The following COL8A1 variants were observed in gnomAD, a reference collection of about 807,000 sequenced individuals.
COL8A1 encodes the protein collagen alpha-1(VIII) chain.
A neutral mutation model predicts 42.7 loss-of-function variants in COL8A1; 21 were observed. The observed-to-expected ratio is 0.49, with a 90% CI of 0.35 to 0.71. The LOEUF (loss-of-function observed/expected upper bound fraction) is 0.71, where lower values mean the gene tolerates loss of function less well. Ranked by LOEUF, COL8A1 falls within the 30% of genes least tolerant of loss-of-function variation. The pLI is 0.01. For missense variants in COL8A1, 788 were observed against 962.4 expected (o/e 0.82, Z 2.40); for synonymous variants, 367 against 369.1 (o/e 0.99, Z 0.06).
chr3:99,676,026 G>A (rs1205299849), intron 1 of COL8A1, among the ~76,000 whole-genome samples: 1 of 151,998 alleles, frequency 6.6e-6, no homozygotes, highest in African/African-American at 2.4e-5. Context: ...TAATAGCATT[G>A]TAAACTATCA....
chr3:99,681,908 T>A (rs1421996711), intron 1 of COL8A1, among the ~76,000 whole-genome samples: 2 of 152,184 alleles, frequency 1.3e-5, no homozygotes, highest in Non-Finnish European at 2.9e-5. Context: ...AGAGTCACCA[T>A]ATGGCTAGCA....
chr3:99,696,620 C>G (rs541080078), intron 1 of COL8A1, among the ~76,000 whole-genome samples: 1 of 152,158 alleles, frequency 6.6e-6, no homozygotes, highest in South Asian at 2.1e-4. Context: ...TTGCATATGG[C>G]CAGCCACTGG....
chr3:99,750,101 G>A (rs1455792273), intron 2 of COL8A1, among the ~76,000 whole-genome samples: 10 of 118,366 alleles, frequency 8.4e-5, no homozygotes, highest in Non-Finnish European at 1.6e-4. Context: ...CTGTTGCCAC[G>A]GCTGGAGTGC....
intron 1 of COL8A1, among the ~76,000 whole-genome samples, chr3:99,653,529 C>A (rs774708835): frequency 6.6e-6 from 1 of 151,926 alleles, no homozygotes; most frequent in South Asian, 2.1e-4. Flanking sequence ...GGGCATCTCT[C>A]TCCCTTCACC....
intron 1 of COL8A1, chr3:99,679,765 A>G (rs1938811333): frequency 6.6e-6 from 1 of 152,188 alleles, no homozygotes; most frequent in Non-Finnish European, 1.5e-5. Flanking sequence ...AAAAGGTTCA[A>G]TCTGTTTCTG....
intron 2 of COL8A1, among the ~76,000 whole-genome samples, chr3:99,762,908 G>A (rs189388976): frequency 6.6e-6 from 1 of 152,224 alleles, no homozygotes; most frequent in East Asian, 1.9e-4. Context: ...GCCCAACCTG[G>A]GTAGTACTTG....
At chr3:99,678,494 G>T (rs1335080356) in intron 1 of COL8A1, 2 of 152,108 alleles carry the variant, frequency 1.3e-5, no homozygotes, top group Non-Finnish European at 2.9e-5. Flanking sequence ...CTCAGCCGAA[G>T]AGAAGCTTTG....
chr3:99,654,733 A>G (rs1256165743), intron 1 of COL8A1, among the ~76,000 whole-genome samples: 1 of 151,950 alleles, frequency 6.6e-6, no homozygotes, highest in African/African-American at 2.4e-5. Flanking sequence ...GGCTGCAGTG[A>G]GCTGTAATTG....
At chr3:99,672,231 A>G (rs1938568270) in intron 1 of COL8A1, among the ~76,000 whole-genome samples, 1 of 152,020 alleles carries the variant, frequency 6.6e-6, no homozygotes, top group Non-Finnish European at 1.5e-5. Flanking sequence ...GAGGTAGAAC[A>G]CCTATTCTCT....
At chr3:99,679,676 A>G (rs558195455) in intron 1 of COL8A1, 23 of 152,360 alleles carry the variant, frequency 1.5e-4, no homozygotes, top group African/African-American at 5.3e-4. Flanking sequence ...TCTGTCAAAC[A>G]AGAGAGATGA....
intron 1 of COL8A1, chr3:99,691,777 G>A (rs1034172563): frequency 3.3e-5 from 5 of 150,566 alleles, no homozygotes; most frequent in African/African-American, 1.2e-4. Context: ...GGCCCAGAGA[G>A]GTAAAGTTGA....
At chr3:99,734,227 G>A (rs1940624231) in intron 1 of COL8A1, among the ~76,000 whole-genome samples, 1 of 141,534 alleles carries the variant, frequency 7.1e-6, no homozygotes, top group South Asian at 2.3e-4. Flanking sequence ...CCTTGCCCAT[G>A]CCTATGTCCT....
At chr3:99,670,762 C>T (rs1337915115) in intron 1 of COL8A1, among the ~76,000 whole-genome samples, 2 of 152,004 alleles carry the variant, frequency 1.3e-5, no homozygotes, top group African/African-American at 4.8e-5. Context: ...TCATTTCCTC[C>T]CTCCCCATAC....
chr3:99,750,179 C>T (rs1250591697), intron 2 of COL8A1, among the ~76,000 whole-genome samples: 2 of 149,838 alleles, frequency 1.3e-5, no homozygotes, highest in Admixed American at 1.3e-4. Flanking sequence ...GGCTCAGCCT[C>T]CTGAGTAGCT....
intron 1 of COL8A1, among the ~76,000 whole-genome samples, chr3:99,706,915 T>C (rs1450388250): frequency 6.6e-6 from 1 of 152,146 alleles, no homozygotes; most frequent in East Asian, 1.9e-4. Flanking sequence ...ACCAATCTAG[T>C]TTGATGAACA....
At chr3:99,662,387 A>C (rs1938234904) in intron 1 of COL8A1, among the ~76,000 whole-genome samples, 1 of 151,926 alleles carries the variant, frequency 6.6e-6, no homozygotes, top group Non-Finnish European at 1.5e-5. Flanking sequence ...GTCTCAAAAA[A>C]AAAAAAAAAA....
chr3:99,725,296 C>A (rs1940274603), intron 1 of COL8A1, among the ~76,000 whole-genome samples: 1 of 152,044 alleles, frequency 6.6e-6, no homozygotes, highest in African/African-American at 2.4e-5. Flanking sequence ...CTTCTCTTAG[C>A]TTCTTTTAAA....
chr3:99,764,444 T>C (rs1419213623), intron 2 of COL8A1, among the ~76,000 whole-genome samples: 3 of 152,212 alleles, frequency 2.0e-5, no homozygotes, highest in Non-Finnish European at 4.4e-5. Flanking sequence ...CCTGTACATA[T>C]ATGTGTGTGC....
chr3:99,760,706 G>T (rs1283250726), intron 2 of COL8A1, among the ~76,000 whole-genome samples: 2 of 152,072 alleles, frequency 1.3e-5, no homozygotes, highest in Non-Finnish European at 2.9e-5. Context: ...GTGTAGACCT[G>T]AGAGACTGTC....
Sources: gnomAD v4.1 joint callset for allele counts (sites outside exome capture counted in the v4.1 genomes callset) on GRCh38, gnomAD v4.1.1 for gene constraint, MANE v1.5 for transcripts, NCBI Gene and HGNC (gene_info 2026-07-23, HGNC 2026-07-21) for gene names.